MYRIP: variants seen among roughly 807,000 people sequenced by gnomAD.
MYRIP encodes rab effector MyRIP.
Under a neutral mutation model 98.0 loss-of-function variants are expected in MYRIP, and 49 were observed. That is an observed-to-expected ratio of 0.50 (90% CI 0.40 to 0.63). MYRIP has a LOEUF of 0.63. Ranked by LOEUF, MYRIP falls within the 30% of genes least tolerant of loss-of-function variation. The probability of loss-of-function intolerance (pLI) is 0.00; values close to 1 mark genes in which losing one functional copy is unlikely to be tolerated. For missense variants in MYRIP, 1,004 were observed against 1,058.2 expected (o/e 0.95, Z 0.71); for synonymous variants, 404 against 409.5 (o/e 0.99, Z 0.16).
chr3:39,854,116 A>AT (rs750261047), intron 1 of MYRIP, among the ~76,000 whole-genome samples: 33 of 152,088 alleles, frequency 2.2e-4, no homozygotes, highest in Non-Finnish European at 4.0e-4. Context: ...CTGTGTGCCT[A>AT]TTTTTTATAC....
intron 2 of MYRIP, among the ~76,000 whole-genome samples, chr3:39,991,630 CA>C (rs1340475570): frequency 6.6e-6 from 1 of 152,172 alleles, no homozygotes; most frequent in Admixed American, 6.5e-5. Context: ...AACCTTTGCA[CA>C]GGTGTTCCCT....
At chr3:40,190,592 C>T in intron 10 of MYRIP, 129 bp downstream of exon 10, 1 of 1,428,824 alleles carries the variant, frequency 7.0e-7, no homozygotes, top group Non-Finnish European at 9.2e-7. Flanking sequence ...GGTTTTGCAG[C>T]TAAGTAGCTG....
chr3:40,151,005 T>G lies in MYRIP; in HGVS notation c.333-43T>G, dbSNP rs1188200912. ...TTGCAGCAGTTTTGCAATTCACCAT[T>G]TAATAATTCTAATTTTGTGTTGTCT... is the stretch of plus-strand genomic sequence containing the variant. On this transcript the variant is annotated intron_variant, in intron 3 of 16. Coordinates refer to ENST00000302541, the MANE Select transcript of MYRIP (RefSeq NM_015460.4). 12 of 1,493,716 alleles carry G rather than the reference T, an allele frequency of 8.0e-6. No individual in the cohort carries two copies. The East Asian group carries it at 2.9e-4, about 36-fold the overall frequency. The allele number at this position is 1,493,716 out of a possible 1,614,324, so 92.5% of individuals were successfully genotyped here.
chr3:40,039,241 G>T (rs1294323228), intron 2 of MYRIP, among the ~76,000 whole-genome samples: 1 of 152,128 alleles, frequency 6.6e-6, no homozygotes, highest in Non-Finnish European at 1.5e-5. Context: ...TAGTCACATA[G>T]ACCATGCCTC....
At chr3:39,844,951 T>C (rs1370083803) in intron 1 of MYRIP, among the ~76,000 whole-genome samples, 1 of 152,244 alleles carries the variant, frequency 6.6e-6, no homozygotes, top group Admixed American at 6.5e-5. Context: ...CTTTTCTTGC[T>C]TCAGGCCCCA....
intron 3 of MYRIP, among the ~76,000 whole-genome samples, chr3:40,052,995 T>C (rs1241906383): frequency 1.3e-5 from 2 of 152,206 alleles, no homozygotes; most frequent in East Asian, 1.9e-4. Context: ...AATCATTCTT[T>C]AGGAGCTAGG....
intron 16 of MYRIP, among the ~76,000 whole-genome samples, chr3:40,253,647 A>G (rs1953469648): frequency 6.6e-6 from 1 of 152,200 alleles, no homozygotes; most frequent in Admixed American, 6.5e-5. Context: ...GATCAACGGA[A>G]TAAGTTACCT....
At chr3:39,906,526 C>T (rs1325459680) in intron 2 of MYRIP, among the ~76,000 whole-genome samples, 1 of 152,194 alleles carries the variant, frequency 6.6e-6, no homozygotes, top group Non-Finnish European at 1.5e-5. Flanking sequence ...AACACAGTAT[C>T]TTCAACTTTG....
chr3:39,956,233 C>T (rs917238633), intron 2 of MYRIP, among the ~76,000 whole-genome samples: 2 of 152,192 alleles, frequency 1.3e-5, no homozygotes, highest in African/African-American at 4.8e-5. Context: ...ACATTCTTCT[C>T]AGAACCACAT....
intron 1 of MYRIP, among the ~76,000 whole-genome samples, chr3:39,839,174 G>T (rs1246579870): frequency 4.0e-5 from 6 of 151,242 alleles, no homozygotes; most frequent in Admixed American, 6.6e-5. Context: ...GTTTTTTTGT[G>T]TCTCTGTCTC....
rs1355557189 is a variant in MYRIP at position 39,900,781 on chromosome 3, T to C, written c.-30-6T>C. 6.6e-7 allele frequency: 1 copy of C among 1,518,566 alleles called. No individual in the cohort carries two copies. Among genetic ancestry groups the C allele is most frequent in the Non-Finnish European group, 9.1e-7 (1 of 1,104,292 alleles). 94.1% of individuals were successfully genotyped at this position (1,518,566 alleles called of 1,614,324 possible). ...TTATCTTGCTTGTATCATTTTGGTT[T>C]CCCAGGTCTTGTTTCATCATCTGTG... On this transcript the variant is annotated splice_polypyrimidine_tract_variant and splice_region_variant and intron_variant, in intron 1 of 16. Coordinates refer to ENST00000302541, the MANE Select transcript of MYRIP (RefSeq NM_015460.4).
intron 2 of MYRIP, among the ~76,000 whole-genome samples, chr3:40,003,071 G>T (rs1190238945): frequency 6.6e-6 from 1 of 151,228 alleles, no homozygotes; most frequent in Admixed American, 6.6e-5. Flanking sequence ...TACATATATA[G>T]AATCTATACA....
chr3:39,936,007 C>T (rs1944648881), intron 2 of MYRIP, among the ~76,000 whole-genome samples: 1 of 152,128 alleles, frequency 6.6e-6, no homozygotes, highest in Admixed American at 6.5e-5. Context: ...ATTTCAACAC[C>T]TACATCTGTG....
chr3:39,944,816 T>C (rs77989297), intron 2 of MYRIP, among the ~76,000 whole-genome samples: 1 of 152,104 alleles, frequency 6.6e-6, no homozygotes, highest in East Asian at 1.9e-4. Context: ...CAAGAAGTAT[T>C]GTTTATGAGT....
intron 1 of MYRIP, among the ~76,000 whole-genome samples, chr3:39,898,083 G>GCC (rs1490233682): frequency 4.6e-5 from 7 of 152,080 alleles, no homozygotes; most frequent in Non-Finnish European, 8.8e-5. Context: ...CAGGAAGCTA[G>GCC]AAGATGGCAG....
At position 40,218,610 on chromosome 3, in the gene MYRIP, T is replaced by TATATATA. The variant is rs59924117; in HGVS notation, c.1905+8517_1905+8518insATATATA. On this transcript the variant is annotated intron_variant, in intron 11 of 16. Transcript: ENST00000302541. ...ACACACACACACACATATATATATA[T>TATATATA]TTTATATATATATATATATATATAT... 8.4e-3 allele frequency among the ~76,000 whole-genome samples: 50 copies of TATATATA among 5,962 alleles called. 1 individual carries two copies. Among genetic ancestry groups the TATATATA allele is most frequent in the Non-Finnish European group, 0.017 (16 of 956 alleles). The allele number at this position is 5,962 out of a possible 152,430, so 3.9% of individuals were successfully genotyped here. A position where few individuals can be genotyped will look rare whatever the true frequency, so the allele number is the denominator to read the frequency against.
intron 1 of MYRIP, among the ~76,000 whole-genome samples, chr3:39,855,596 T>C (rs1942262688): frequency 1.3e-5 from 2 of 151,974 alleles, no homozygotes; most frequent in Admixed American, 6.6e-5. Flanking sequence ...TCTCATATGG[T>C]TTGCCAGGGA....
intron 10 of MYRIP, among the ~76,000 whole-genome samples, chr3:40,205,014 A>G (rs576429803): frequency 1.3e-5 from 2 of 152,070 alleles, no homozygotes; most frequent in Admixed American, 1.3e-4. Context: ...TTACAATGTC[A>G]CCAGCAATCT....
intron 1 of MYRIP, among the ~76,000 whole-genome samples, chr3:39,820,776 G>A (rs1941079235): frequency 6.6e-6 from 1 of 152,184 alleles, no homozygotes; most frequent in East Asian, 1.9e-4. Flanking sequence ...GTGGTCCAGA[G>A]GATGTCAGGT....
Sources: allele counts gnomAD v4.1 joint callset (sites outside exome capture counted in the v4.1 genomes callset), GRCh38; gene constraint gnomAD v4.1.1; transcripts MANE v1.5; gene names NCBI Gene and HGNC (gene_info 2026-07-23, HGNC 2026-07-21).